The following SRGAP2 variants were observed in gnomAD, a reference collection of about 807,000 sequenced individuals.
The protein encoded by SRGAP2 is SLIT-ROBO Rho GTPase-activating protein 2.
In SRGAP2, 15 loss-of-function variants were observed where a neutral mutation model predicts 57.2. The observed-to-expected ratio is 0.26, with a 90% confidence interval of 0.18 to 0.40. The LOEUF is 0.40. SRGAP2 is among the 10% of genes least tolerant of loss of function. The probability of loss-of-function intolerance (pLI) is 1.00; values close to 1 mark genes in which losing one functional copy is unlikely to be tolerated. For missense variants in SRGAP2, 520 were observed against 669.6 expected (o/e 0.78, Z 2.47); for synonymous variants, 249 against 248.0 (o/e 1.00, Z -0.04).
intron 3 of SRGAP2, among the ~76,000 whole-genome samples, chr1:206,318,726 G>T (rs1673232805): frequency 2.6e-5 from 4 of 152,080 alleles, no homozygotes. Context: ...GGTGAGAGTG[G>T]GAGTGAGAGT....
At position 206,461,282 on chromosome 1, in the gene SRGAP2, G is replaced by T. The variant is rs1336732547; in HGVS notation, c.3078G>T (p.Lys1026Asn). The change falls in exon 23 of 23, where the codon AAG (lysine) becomes AAT (asparagine). Residue 1026 changes from lysine to asparagine, a missense_variant. This residue lies in a region of SRGAP2 where 478 missense variants were observed against 373.6 expected (regional missense o/e 1.28). Transcript: ENST00000573034. ...GDIACAFRPV[K>N]SVKMAAPVKP... ...TCGCCTGCGCCTTCCGGCCTGTCAA[G>T]TCTGTCAAGATGGCTGCCCCGGTCA... 2 of 780,814 alleles carry T rather than the reference G, an allele frequency of 2.6e-6. No homozygotes were observed. The highest frequency in any genetic ancestry group is 2.4e-6 in the Non-Finnish European group (1 of 418,010). 48.4% of individuals were successfully genotyped at this position (780,814 alleles called of 1,614,324 possible).
intron 2 of SRGAP2, chr1:206,296,836 T>C (rs1671624642): frequency 1.3e-5 from 2 of 152,248 alleles, no homozygotes; most frequent in Middle Eastern, 6.8e-3. Flanking sequence ...GAAAGTATCT[T>C]GATGGCCTTT....
rs1660094072 is a variant in SRGAP2, at chr1:206,419,411, C to T, written c.1469+11C>T. On this transcript the variant is annotated intron_variant, in intron 12 of 22. Coordinates refer to ENST00000573034, the MANE Select transcript of SRGAP2 (RefSeq NM_015326.5). ...TTGCAGTCTAGCCAGGTGAGTGTGGCCTGGGACAGGCCTGGGAAGTGATAG... is the reference window on the plus strand; with the variant it reads ...TTGCAGTCTAGCCAGGTGAGTGTGGTCTGGGACAGGCCTGGGAAGTGATAG... 1 of 780,750 alleles carries T rather than the reference C, an allele frequency of 1.3e-6. No individual in the cohort carries two copies. The highest frequency in any genetic ancestry group is 2.4e-6 in the Non-Finnish European group (1 of 417,896). 48.4% of individuals were successfully genotyped at this position (780,750 alleles called of 1,614,324 possible). A position where few individuals can be genotyped will look rare whatever the true frequency, so the allele number is the denominator to read the frequency against.
At chr1:206,395,608 T>C (rs1486101529) in intron 7 of SRGAP2, among the ~76,000 whole-genome samples, 1 of 151,872 alleles carries the variant, frequency 6.6e-6, no homozygotes, top group Admixed American at 6.5e-5. Flanking sequence ...AAATTCAGAC[T>C]GTGCTGTCTG....
At chr1:206,314,079 TAGAG>T (rs1228143235) in intron 3 of SRGAP2, among the ~76,000 whole-genome samples, 4 of 148,676 alleles carry the variant, frequency 2.7e-5, no homozygotes, top group Admixed American at 6.7e-5. Flanking sequence ...TTAAAAGAAA[TAGAG>T]AGGGGCTTTT....
intron 16 of SRGAP2, among the ~76,000 whole-genome samples, chr1:206,438,836 A>G (rs1662012825): frequency 1.3e-5 from 2 of 152,194 alleles, no homozygotes; most frequent in Admixed American, 6.5e-5. Flanking sequence ...CCTTCTTCCT[A>G]GGTTGACCAG....
chr1:206,268,071 A>C (rs1669970809), intron 2 of SRGAP2, among the ~76,000 whole-genome samples: 1 of 142,674 alleles, frequency 7.0e-6, no homozygotes, highest in African/African-American at 2.8e-5. Flanking sequence ...AACATGGACT[A>C]TATATATATA....
chr1:206,285,902 G>C (rs1361576665), intron 2 of SRGAP2, among the ~76,000 whole-genome samples: 1 of 152,138 alleles, frequency 6.6e-6, no homozygotes, highest in Non-Finnish European at 1.5e-5. Context: ...CTGGCCTCAA[G>C]TGATCTGCCT....
chr1:206,304,261 T>TA (rs1441438983), intron 3 of SRGAP2, among the ~76,000 whole-genome samples: 11 of 141,606 alleles, frequency 7.8e-5, no homozygotes, highest in African/African-American at 2.8e-4. Context: ...TGGAGAACTT[T>TA]AAAAAAAATA....
intron 21 of SRGAP2, among the ~76,000 whole-genome samples, chr1:206,458,111 C>T (rs1376472784): frequency 6.6e-6 from 1 of 152,204 alleles, no homozygotes; most frequent in Non-Finnish European, 1.5e-5. Flanking sequence ...AACTATTCTG[C>T]TCCATGCCTA....
intron 2 of SRGAP2, among the ~76,000 whole-genome samples, chr1:206,283,653 G>T (rs1177590934): frequency 6.6e-6 from 1 of 151,686 alleles, no homozygotes; most frequent in Admixed American, 6.6e-5. Context: ...TCCAGCCTGG[G>T]CTTCCAAGTG....
At chr1:206,438,853 A>G (rs1553370937) in intron 16 of SRGAP2, among the ~76,000 whole-genome samples, 2 of 152,180 alleles carry the variant, frequency 1.3e-5, no homozygotes, top group African/African-American at 4.8e-5. Context: ...CCAGATCTTC[A>G]TACCTGCTGA....
intron 13 of SRGAP2, among the ~76,000 whole-genome samples, chr1:206,422,492 C>A (rs1553364778): frequency 6.6e-6 from 1 of 152,120 alleles, no homozygotes; most frequent in Non-Finnish European, 1.5e-5. Flanking sequence ...GGAGTGACTC[C>A]TAGAGATAAT....
rs1572178350 is a variant in SRGAP2, at chr1:206,447,141, C to G, written c.2099+842C>G. On this transcript the variant is annotated intron_variant, in intron 18 of 22. Transcript: ENST00000573034. ...GTTTTTTCACTAAACACAAAGACAACTGCCTCTCTCTTTTAATCCCTAACG... is the reference window on the plus strand; with the variant it reads ...GTTTTTTCACTAAACACAAAGACAAGTGCCTCTCTCTTTTAATCCCTAACG... 2.0e-5 allele frequency among the ~76,000 whole-genome samples: 3 copies of G among 152,146 alleles called. No homozygotes were observed. The East Asian group carries it at 5.8e-4, about 29-fold the overall frequency.
rs1490407260 is a variant in SRGAP2, at chr1:206,464,193, G to A, written c.*2773G>A. 3 of 152,650 alleles carry A rather than the reference G, an allele frequency of 2.0e-5. No individual in the cohort carries two copies. The highest frequency in any genetic ancestry group is 2.1e-4 in the South Asian group (1 of 4,834). The allele number at this position is 152,650 out of a possible 1,614,324, so 9.5% of individuals were successfully genotyped here. A position where few individuals can be genotyped will look rare whatever the true frequency, so the allele number is the denominator to read the frequency against. On this transcript the variant is annotated 3_prime_UTR_variant, in exon 23 of 23. Transcript: ENST00000573034. ...GATGCGCAGAGCACTGGAAGGGCTG[G>A]TGCAGATCTACTTCCCATGCAGAAG...
chr1:206,450,734 C>T (rs1342254611), intron 19 of SRGAP2, among the ~76,000 whole-genome samples: 1 of 152,178 alleles, frequency 6.6e-6, no homozygotes, highest in African/African-American at 2.4e-5. Flanking sequence ...CTTGTCTGGC[C>T]TGAGTGCAGC....
chr1:206,237,234 T>C (rs1553308340), intron 2 of SRGAP2, among the ~76,000 whole-genome samples: 1 of 151,946 alleles, frequency 6.6e-6, no homozygotes, highest in Non-Finnish European at 1.5e-5. Flanking sequence ...TGCACTCCAG[T>C]CTGGGCGACA....
chr1:206,460,140 C>T (rs369764296), intron 22 of SRGAP2, among the ~76,000 whole-genome samples: 3 of 152,328 alleles, frequency 2.0e-5, no homozygotes, highest in African/African-American at 4.8e-5. Flanking sequence ...TAACCAAAGG[C>T]CTTCGCTTGG....
At chr1:206,290,347 T>A in intron 2 of SRGAP2, among the ~76,000 whole-genome samples, 1 of 152,278 alleles carries the variant, frequency 6.6e-6, no homozygotes, top group Middle Eastern at 3.4e-3. Context: ...ATTTTAGGTA[T>A]TATCAGAAAT....
Sources: allele counts gnomAD v4.1 joint callset (sites outside exome capture counted in the v4.1 genomes callset), GRCh38; gene constraint gnomAD v4.1.1; regional missense constraint gnomAD v4.1.1; transcripts MANE v1.5; gene names NCBI Gene and HGNC (gene_info 2026-07-23, HGNC 2026-07-21).